PTPRN2: variants seen among roughly 807,000 people sequenced by gnomAD.
PTPRN2 encodes receptor-type tyrosine-protein phosphatase N2.
Under a neutral mutation model 118.8 loss-of-function variants are expected in PTPRN2, and 74 were observed. The ratio of observed to expected loss-of-function variants is 0.62; its 90% CI spans 0.52 to 0.76. The LOEUF (loss-of-function observed/expected upper bound fraction) is 0.76, where lower values mean the gene tolerates loss of function less well. Ranked by LOEUF, PTPRN2 falls within the 30% of genes least tolerant of loss-of-function variation. The pLI, the probability that PTPRN2 is intolerant of heterozygous loss-of-function variation, is 0.00. For synonymous variants in PTPRN2, 641 were observed against 608.0 expected (o/e 1.05, Z -0.80); for missense variants, 1,481 against 1,394.4 (o/e 1.06, Z -0.99).
chr7:157,843,758 C>A (rs556635921), intron 12 of PTPRN2, among the ~76,000 whole-genome samples: 4 of 152,230 alleles, frequency 2.6e-5, no homozygotes, highest in Non-Finnish European at 5.9e-5. Flanking sequence ...GATTCACACT[C>A]GCAGTTTCGA....
intron 13 of PTPRN2, among the ~76,000 whole-genome samples, chr7:157,663,791 T>C (rs569263311): frequency 7.5e-4 from 115 of 152,380 alleles, no homozygotes; most frequent in African/African-American, 2.7e-3. Flanking sequence ...AGGCTGATTA[T>C]AGTTTCCAAA....
chr7:158,066,635 C>G (rs368365594), intron 11 of PTPRN2, among the ~76,000 whole-genome samples: 1 of 152,138 alleles, frequency 6.6e-6, no homozygotes, highest in South Asian at 2.1e-4. Context: ...ACGCTAAGAT[C>G]GGCTTTAGAA....
chr7:158,194,001 A>G (rs80003286), intron 4 of PTPRN2, among the ~76,000 whole-genome samples: 6,576 of 151,872 alleles, frequency 0.043, 471 homozygotes, highest in African/African-American at 0.15. Flanking sequence ...CAGGAGGGTC[A>G]CTAGAGCCCA....
At chr7:157,988,100 G>A (rs1399242701) in intron 11 of PTPRN2, among the ~76,000 whole-genome samples, 1 of 152,194 alleles carries the variant, frequency 6.6e-6, no homozygotes, top group Non-Finnish European at 1.5e-5. Context: ...AGACGGAGAG[G>A]AGAAGCTGCG....
rs527426750 is a variant in PTPRN2 at position 158,115,201 on chromosome 7, C to T, written c.1557-4286G>A. Among the ~76,000 whole-genome samples the T allele has an allele frequency of 3.9e-5, 6 of 152,182 alleles. No homozygotes were observed. The East Asian group carries it at 1.2e-3, about 30-fold the overall frequency. ...TCCAAAATAACAACAACAACAACAA[C>T]AAAAGTTCCCTCCCCTGGATAAAGA... On this transcript the variant is annotated intron_variant, in intron 9 of 22. Coordinates refer to ENST00000389418, the MANE Select transcript of PTPRN2 (RefSeq NM_002847.5).
In PTPRN2 at chr7:158,065,091, G is replaced by T. The variant is rs79245881; in HGVS notation, c.1723+16207C>A. 3.8e-3 allele frequency among the ~76,000 whole-genome samples: 584 copies of T among 152,364 alleles called. 6 individuals are homozygous for T. Among genetic ancestry groups the T allele is most frequent in the Middle Eastern group, 0.02 (6 of 294 alleles). ...CTTCTGGGTGAGAGAAGCTAAGCAG[G>T]TGAGCACAAAATCTGGGAGTGAGAT... is the stretch of plus-strand genomic sequence containing the variant. On this transcript the variant is annotated intron_variant, in intron 11 of 22. Transcript: ENST00000389418.
At chr7:158,497,999 G>A (rs1822076844) in intron 1 of PTPRN2, among the ~76,000 whole-genome samples, 1 of 152,242 alleles carries the variant, frequency 6.6e-6, no homozygotes, top group African/African-American at 2.4e-5. Flanking sequence ...TGGGGCTCAG[G>A]CCCCTCCAAT....
In PTPRN2 at chr7:157,627,040, T is replaced by A. The variant is rs537714716; in HGVS notation, c.2197-5531A>T. ...GAAGGGCAACAGTTCAGAGAGCTCT[T>A]CTCTACAAGTCTCCTCCACAACTCT... On this transcript the variant is annotated intron_variant, in intron 14 of 22. Transcript: ENST00000389418. This position sits in a 1 kb window ranked among gnomAD's most constrained non-coding sequence, Gnocchi z 4.2. 2.6e-5 allele frequency among the ~76,000 whole-genome samples: 4 copies of A among 152,314 alleles called. No individual in the cohort carries two copies. In the South Asian group the frequency reaches 6.2e-4, roughly 24 times the overall value.
Position 158,171,308 on chromosome 7 carries a change from CATATATATATATATATATATAT to C in PTPRN2, c.550-4039_550-4018del, listed in dbSNP as rs71198580. Among the ~76,000 whole-genome samples the C allele has an allele frequency of 1.9e-3, 93 of 48,660 alleles. 7 individuals carry two copies. Among genetic ancestry groups the C allele is most frequent in the Middle Eastern group, 0.025 (2 of 80 alleles). 31.9% of individuals were successfully genotyped at this position (48,660 alleles called of 152,430 possible). A position where few individuals can be genotyped will look rare whatever the true frequency, so the allele number is the denominator to read the frequency against. ...ATATATACACACATATATATACACA[CATATATATATATATATATATAT>C]ATATATATATATATATATACACACA... On this transcript the variant is annotated intron_variant, in intron 5 of 22. Transcript: ENST00000389418.
At chr7:157,770,444 G>A (rs1387223824) in intron 12 of PTPRN2, among the ~76,000 whole-genome samples, 1 of 152,172 alleles carries the variant, frequency 6.6e-6, no homozygotes, top group Non-Finnish European at 1.5e-5. Flanking sequence ...CGTTAAACCG[G>A]AGGCTTTCTG....
At chr7:158,135,672 C>A (rs1031062657) in intron 8 of PTPRN2, among the ~76,000 whole-genome samples, 5 of 152,156 alleles carry the variant, frequency 3.3e-5, no homozygotes, top group African/African-American at 1.2e-4. Context: ...CTCCCCGACT[C>A]CCTAAATTAG....
At chr7:158,384,903 C>T (rs148630266) in intron 2 of PTPRN2, among the ~76,000 whole-genome samples, 107 of 152,236 alleles carry the variant, frequency 7.0e-4, no homozygotes, top group African/African-American at 2.6e-3. Flanking sequence ...CTATGCGCAT[C>T]AGTAAAATCA....
At chr7:157,697,762 T>C (rs13223357) in intron 12 of PTPRN2, among the ~76,000 whole-genome samples, 2,289 of 127,850 alleles carry the variant, frequency 0.018, 56 homozygotes, top group African/African-American at 0.043. Flanking sequence ...TACCCATGCA[T>C]ACTGGATCTT....
At position 158,316,896 on chromosome 7, in the gene PTPRN2, A is replaced by G. The variant is rs902008342; in HGVS notation, c.200T>C (p.Met67Thr). 6 of 1,612,828 alleles carry G rather than the reference A, an allele frequency of 3.7e-6. No homozygotes were observed. Among genetic ancestry groups the G allele is most frequent in the African/African-American group, 2.7e-5 (2 of 74,942 alleles). ...CGACACCTCGTAGCGGTAAAAGTCC[A>G]TTGCCGGAACCTTCTGGCACCTTCC... ...VFGRCQKVPA[M>T]DFYRYEVSPV... The change falls in exon 3 of 23, where the codon ATG becomes ACG. Residue 67 changes from methionine (M) to threonine (T), a missense_variant. Met to Thr is a moderately conservative substitution (Grantham distance 81, BLOSUM62 -1). Coordinates refer to ENST00000389418, the MANE Select transcript of PTPRN2 (RefSeq NM_002847.5).
chr7:157,625,074 T>G (rs1037110154), intron 14 of PTPRN2, among the ~76,000 whole-genome samples: 1 of 152,190 alleles, frequency 6.6e-6, no homozygotes, highest in African/African-American at 2.4e-5. Context: ...AAAAAATCAA[T>G]AAACAGTAGA....
intron 11 of PTPRN2, among the ~76,000 whole-genome samples, chr7:157,945,363 C>T (rs1326782250): frequency 6.6e-6 from 1 of 152,104 alleles, no homozygotes; most frequent in Non-Finnish European, 1.5e-5. Context: ...CCCCGTGTGT[C>T]CCGAAGACCC....
At chr7:158,333,160 G>T (rs112838893) in intron 2 of PTPRN2, among the ~76,000 whole-genome samples, 1 of 107,828 alleles carries the variant, frequency 9.3e-6, no homozygotes, top group Admixed American at 8.3e-5. Context: ...CATAAGAGGT[G>T]ACACCTGCAG....
At chr7:157,950,271 C>T (rs1223080898) in intron 11 of PTPRN2, among the ~76,000 whole-genome samples, 1 of 152,138 alleles carries the variant, frequency 6.6e-6, no homozygotes, top group Admixed American at 6.5e-5. Context: ...CTAGCAAACG[C>T]CTGGTGGGAA....
intron 13 of PTPRN2, among the ~76,000 whole-genome samples, chr7:157,663,851 C>T (rs999763953): frequency 6.6e-6 from 1 of 152,218 alleles, no homozygotes; most frequent in Non-Finnish European, 1.5e-5. Flanking sequence ...TTTACCTTAA[C>T]ATTTAAAAAT....
Sources: allele counts gnomAD v4.1 joint callset (sites outside exome capture counted in the v4.1 genomes callset), GRCh38; gene constraint gnomAD v4.1.1; non-coding constraint Gnocchi (gnomAD v3.1); transcripts MANE v1.5; gene names NCBI Gene and HGNC (gene_info 2026-07-23, HGNC 2026-07-21).